The following OPLAH variants were observed in gnomAD, a reference collection of about 807,000 sequenced individuals.
The protein encoded by OPLAH is 5-oxoprolinase, ATP-hydrolysing, also known as 5-oxoprolinase.
Under a neutral mutation model 122.8 loss-of-function variants are expected in OPLAH, and 103 were observed. The observed-to-expected ratio is 0.84, with a 90% CI of 0.71 to 0.99. The LOEUF (loss-of-function observed/expected upper bound fraction) is 0.99, where lower values mean the gene tolerates loss of function less well. OPLAH is among the 50% of genes least tolerant of loss of function. The pLI is 0.00. For synonymous variants in OPLAH, 875 were observed against 796.0 expected, an observed-to-expected ratio of 1.10 and a Z score of -1.67; for missense variants, 1,902 against 1,836.5, an observed-to-expected ratio of 1.04 and a Z score of -0.65.
chr8:144,052,646 A>C (rs1360764649), intron 22 of OPLAH, 48 bp from the exon 23 acceptor site: 1 of 1,551,236 alleles, frequency 6.4e-7, no homozygotes, highest in Non-Finnish European at 8.7e-7. Context: ...GGGCTCCGGG[A>C]GAAACAGCAC....
chr8:144,057,121 G>A lies in OPLAH; in HGVS notation c.1536-3C>T. On this transcript the variant is annotated splice_region_variant and splice_polypyrimidine_tract_variant and intron_variant, in intron 11 of 26. Transcript: ENST00000618853. ...GGGCCGACAGCAGCCCACTGTGCCT[G>A]CAGGGATGGGCAGCATGGCAATGGG... 1 of 1,594,954 alleles carries A rather than the reference G, an allele frequency of 6.3e-7. No homozygotes were observed.
chr8:144,050,779 C>T, downstream of OPLAH: 1 of 986,630 alleles, frequency 1.0e-6, no homozygotes, highest in Non-Finnish European at 1.2e-6. Flanking sequence ...ATGCCGCCCT[C>T]CCCCGGATCC....
At chr8:144,054,464 C>T (rs1835458725) in intron 19 of OPLAH, 97 bp downstream of exon 19, 6 of 1,326,290 alleles carry the variant, frequency 4.5e-6, no homozygotes, top group Non-Finnish European at 6.1e-6. Flanking sequence ...AGGCCTGGGC[C>T]TATGGGCTGC....
intron 3 of OPLAH, 28 bp from the exon 4 acceptor site, chr8:144,059,107 G>T (rs782801485): frequency 2.2e-5 from 34 of 1,530,798 alleles, no homozygotes; most frequent in Non-Finnish European, 3.0e-5. Context: ...CTCAGAAGAG[G>T]CCCAGGCCTG....
In OPLAH at chr8:144,051,924, C is replaced by G. The variant is rs1835387693; in HGVS notation, c.3614G>C (p.Gly1205Ala). Residue 1205 changes from glycine (G) to alanine (A), a missense_variant, in exon 25 of 27, where the codon GGG (glycine) becomes GCG (alanine). Around this residue, in one of 3 missense-constraint regions of OPLAH, gnomAD observed 1,726 missense variants for 1,642.1 expected, o/e 1.05. Coordinates refer to ENST00000618853, the MANE Select transcript of OPLAH (RefSeq NM_017570.5). ...GCTGGGGAACCGCGCACCGTGGAGC[C>G]CGTATGGCCGGAAGGCGCGGCGCTC... Reference protein sequence around the residue: ...LTERRAFRPYGLHGGEPGARG... With the variant: ...LTERRAFRPYALHGGEPGARG... The G allele has an allele frequency of 1.3e-6, 2 of 1,534,794 alleles. No homozygotes were observed. Among genetic ancestry groups the G allele is most frequent in the African/African-American group, 1.4e-5 (1 of 72,920 alleles).
chr8:144,056,312 C>T, intron 14 of OPLAH, 53 bp from the exon 15 acceptor site: 1 of 1,595,682 alleles, frequency 6.3e-7, no homozygotes, highest in South Asian at 1.1e-5. Context: ...CTCCCCGATG[C>T]CTCTCACAGG....
In OPLAH at chr8:144,056,770, TG is replaced by T; in HGVS notation, c.1707-16del. 1 of 1,595,722 alleles carries T rather than the reference TG, an allele frequency of 6.3e-7. No individual in the cohort carries two copies. Reference sequence around the variant, plus strand: ...TGATCTGGGACCTGCAGCAGGTGGTTGGGGGCACTCACACCAAACCCCCTGC... The same window carrying T: ...TGATCTGGGACCTGCAGCAGGTGGTTGGGGCACTCACACCAAACCCCCTGC... On this transcript the variant is annotated splice_polypyrimidine_tract_variant and intron_variant, in intron 12 of 26. Coordinates refer to ENST00000618853, the MANE Select transcript of OPLAH (RefSeq NM_017570.5).
At position 144,058,989 on chromosome 8, in the gene OPLAH, G is replaced by A. The variant is rs782044353; in HGVS notation, c.454C>T (p.Pro152Ser). 1 of 1,563,752 alleles carries A rather than the reference G, an allele frequency of 6.4e-7. No homozygotes were observed. Among genetic ancestry groups the A allele is most frequent in the East Asian group, 2.4e-5 (1 of 41,584 alleles). Residue 152 changes from proline (P) to serine (S), a missense_variant, in exon 4 of 27, where the codon CCT becomes TCT. Physicochemically the swap from Pro to Ser is moderately conservative, Grantham distance 74. This residue lies in a region of OPLAH where 1,726 missense variants were observed against 1,642.1 expected (regional missense o/e 1.05). Transcript: ENST00000618853. ...LHRGEAGTGT[P>S]VKGRTGDLLE... is the part of the protein sequence containing the mutation. ...GCGGCGGCACACACACCTTTCACAG[G>A]CGTCCCGGTGCCCGCCTCTCCACGG...
chr8:144,055,117 G>A lies in OPLAH; in HGVS notation c.2321C>T (p.Ala774Val). 1 of 1,587,226 alleles carries A rather than the reference G, an allele frequency of 6.3e-7. No homozygotes were observed. Among genetic ancestry groups the A allele is most frequent in the South Asian group, 1.1e-5 (1 of 87,052 alleles). ...NIKERLDFSC[A>V]LFGPDGGLVS... ...CAGCCCCCCATCGGGCCCAAAGAGG[G>A]CACAGGAGAAGTCCAGACGCTCCTT... The change falls in exon 17 of 27, where the codon GCC becomes GTC. Residue 774 changes from alanine to valine, a missense_variant. By Grantham distance (64) the Ala-to-Val change is moderately conservative (BLOSUM62 0). Around this residue, in one of 3 missense-constraint regions of OPLAH, gnomAD observed 1,726 missense variants for 1,642.1 expected, o/e 1.05. Coordinates refer to ENST00000618853, the MANE Select transcript of OPLAH (RefSeq NM_017570.5). This position sits in a 1 kb window ranked among gnomAD's most constrained non-coding sequence, Gnocchi z 6.5.
intron 3 of OPLAH, 48 bp downstream of exon 3, chr8:144,059,551 G>T (rs1463971758): frequency 1.0e-5 from 16 of 1,540,802 alleles, no homozygotes; most frequent in Non-Finnish European, 1.3e-5. Flanking sequence ...AGGCATCCCT[G>T]GGGGGTGTAC....
rs1554759683 is a variant in OPLAH at position 144,057,688 on chromosome 8, A to C, written c.1182T>G (p.Ala394=). ...RKGGPVTVTD[A]NLVLGRLLPA... ...GCAGCAGGCGACCCAGGACCAGATTAGCATCCGTCACTGTCACAGGGCCCC... is the reference window on the plus strand; with the variant it reads ...GCAGCAGGCGACCCAGGACCAGATTCGCATCCGTCACTGTCACAGGGCCCC... Residue 394 remains alanine (A), a synonymous_variant, in exon 10 of 27, where the codon GCT becomes GCG. Coordinates refer to ENST00000618853, the MANE Select transcript of OPLAH (RefSeq NM_017570.5). The C allele has an allele frequency of 6.2e-7, 1 of 1,609,262 alleles. No individual in the cohort carries two copies. Among genetic ancestry groups the C allele is most frequent in the Non-Finnish European group, 8.5e-7 (1 of 1,177,936 alleles).
At chr8:144,057,381 A>G in intron 10 of OPLAH, 61 bp from the exon 11 acceptor site, 1 of 1,582,504 alleles carries the variant, frequency 6.3e-7, no homozygotes, top group Non-Finnish European at 8.6e-7. Flanking sequence ...CCCCAGCCTG[A>G]GCAGGAGGCC....
intron 14 of OPLAH, 40 bp downstream of exon 14, chr8:144,056,345 C>T: frequency 6.3e-7 from 1 of 1,595,414 alleles, no homozygotes; most frequent in Non-Finnish European, 8.6e-7. Context: ...TCCCGGTGCC[C>T]CATGGGTGCT....
chr8:144,050,891 C>A, downstream of OPLAH: 1 of 999,538 alleles, frequency 1.0e-6, no homozygotes, highest in Non-Finnish European at 1.2e-6. Context: ...GCACTGCCCG[C>A]CCGAAGCGCG....
chr8:144,051,967 G>A lies in OPLAH; in HGVS notation c.3571C>T (p.Leu1191=), dbSNP rs61740339. 1.7e-3 allele frequency: 2,599 copies of A among 1,572,448 alleles called. 38 individuals are homozygous for A. The African/African-American group carries it at 0.031, about 19-fold the overall frequency. The change falls in exon 25 of 27, where the codon CTG becomes TTG. Residue 1191 remains leucine (L), a synonymous_variant. Coordinates refer to ENST00000618853, the MANE Select transcript of OPLAH (RefSeq NM_017570.5). ...CGGCGCTCGGTCAGCACTGACAGCA[G>A]CGCCTCCTCACGAAAGAGCAGCTCG... ...TRELLFREEA[L]LSVLTERRAF...
In OPLAH at chr8:144,055,253, G is replaced by C; in HGVS notation, c.2249-64C>G. 1.4e-6 allele frequency: 2 copies of C among 1,468,612 alleles called. No homozygotes were observed. The highest frequency in any genetic ancestry group is 2.9e-5 in the South Asian group (2 of 69,314). The allele number at this position is 1,468,612 out of a possible 1,614,324, so 91.0% of individuals were successfully genotyped here. A position where few individuals can be genotyped will look rare whatever the true frequency, so the allele number is the denominator to read the frequency against. On this transcript the variant is annotated intron_variant, in intron 16 of 26. Coordinates refer to ENST00000618853, the MANE Select transcript of OPLAH (RefSeq NM_017570.5). This position sits in a 1 kb window ranked among gnomAD's most constrained non-coding sequence, Gnocchi z 6.5. ...ACCCACAGCCTGGCCCCAGGAAAGG[G>C]AGGAACAGGACCCACCAGGACTCAA... is the stretch of plus-strand genomic sequence containing the variant.
rs376326943 is a variant in OPLAH, at chr8:144,054,609, C to T, written c.2638G>A (p.Val880Ile). 1.2e-5 allele frequency: 19 copies of T among 1,606,540 alleles called. No individual in the cohort carries two copies. The highest frequency in any genetic ancestry group is 4.4e-5 in the South Asian group (4 of 90,850). The change falls in exon 19 of 27, where the codon GTC becomes ATC. Residue 880 changes from valine (V) to isoleucine (I), a missense_variant. Around this residue, in one of 3 missense-constraint regions of OPLAH, gnomAD observed 1,726 missense variants for 1,642.1 expected, o/e 1.05. Coordinates refer to ENST00000618853, the MANE Select transcript of OPLAH (RefSeq NM_017570.5). ...HSTMLQQEGA[V>I]FLSFKLVQGG... ...TGGACAAGTTTGAAGGACAGAAAGA[C>T]GGCACCCTCCTGTTGCAGCATGGTG...
chr8:144,057,710 C>T lies in OPLAH; in HGVS notation c.1160G>A (p.Gly387Asp), dbSNP rs1414635791. 2 of 1,608,784 alleles carry T rather than the reference C, an allele frequency of 1.2e-6. No individual in the cohort carries two copies. Among genetic ancestry groups the T allele is most frequent in the Non-Finnish European group, 1.7e-6 (2 of 1,177,740 alleles). Residue 387 changes from glycine to aspartate, a missense_variant, in exon 10 of 27, where the codon GGC (glycine) becomes GAC (aspartate). Gly to Asp is a moderately conservative substitution (Grantham distance 94). Transcript: ENST00000618853. The part of the protein sequence containing the change: ...HPGPACYRKG[G>D]PVTVTDANLV... Reference sequence around the variant, plus strand: ...ATTAGCATCCGTCACTGTCACAGGGCCCCCTGGGAGGTGGACAGGGTGTGG... The same window carrying T: ...ATTAGCATCCGTCACTGTCACAGGGTCCCCTGGGAGGTGGACAGGGTGTGG...
Position 144,058,682 on chromosome 8 carries a change from C to A in OPLAH, c.597G>T (p.Gln199His). The A allele has an allele frequency of 6.3e-7, 1 of 1,588,176 alleles. No individual in the cohort carries two copies. The highest frequency in any genetic ancestry group is 8.6e-7 in the Non-Finnish European group (1 of 1,168,802). The change falls in exon 6 of 27, where the codon CAG becomes CAT. Residue 199 changes from glutamine (Q) to histidine (H), a missense_variant. Gln to His is a conservative substitution (Grantham distance 24). Around this residue, in one of 3 missense-constraint regions of OPLAH, gnomAD observed 1,726 missense variants for 1,642.1 expected, o/e 1.05. Transcript: ENST00000618853. Reference protein sequence around the residue: ...VVLMHSYTWAQHEQQVGVLAR... With the variant: ...VVLMHSYTWAHHEQQVGVLAR... ...CCAGCACACCCACCTGCTGCTCATG[C>A]TGGGCCCACCTATGACAAAAACCCA...
Sources: gnomAD v4.1 joint callset for allele counts on GRCh38, gnomAD v4.1.1 for gene constraint, gnomAD v4.1.1 regional missense constraint, Gnocchi (gnomAD v3.1) non-coding constraint, MANE v1.5 for transcripts, NCBI Gene and HGNC (gene_info 2026-07-23, HGNC 2026-07-21) for gene names.